Variants in POU6F2 observed in about 807,000 individuals in gnomAD.
POU6F2 encodes POU class 6 homeobox 2.
A neutral mutation model predicts 71.3 loss-of-function variants in POU6F2; 31 were observed. That is an observed-to-expected ratio of 0.43 (90% CI 0.33 to 0.59). The LOEUF (loss-of-function observed/expected upper bound fraction) is 0.59, where lower values mean the gene tolerates loss of function less well. Among genes scored for constraint, POU6F2 ranks in the 20% least tolerant of loss-of-function variants. The pLI, the probability that POU6F2 is intolerant of heterozygous loss-of-function variation, is 0.04. For synonymous variants in POU6F2, 347 were observed against 355.7 expected, an observed-to-expected ratio of 0.98 and a Z score of 0.27; for missense variants, 783 against 856.8, an observed-to-expected ratio of 0.91 and a Z score of 1.07.
intron 4 of POU6F2, among the ~76,000 whole-genome samples, chr7:39,309,592 T>C (rs1326777392): frequency 1.3e-5 from 2 of 152,204 alleles, no homozygotes; most frequent in East Asian, 1.9e-4. Flanking sequence ...GTTCACAAAC[T>C]GAAGGGCATT....
At chr7:39,212,518 C>T (rs1794160909) in intron 4 of POU6F2, among the ~76,000 whole-genome samples, 1 of 152,106 alleles carries the variant, frequency 6.6e-6, no homozygotes, top group African/African-American at 2.4e-5. Context: ...GTTCTGTGCC[C>T]TCTCGTACCT....
intron 1 of POU6F2, among the ~76,000 whole-genome samples, chr7:39,039,831 C>T (rs1790144793): frequency 6.6e-6 from 1 of 150,576 alleles, no homozygotes; most frequent in Non-Finnish European, 1.5e-5. Flanking sequence ...ATTTGGAAAT[C>T]ATACTGTGAA....
chr7:39,263,608 G>T (rs1220367372), intron 4 of POU6F2, among the ~76,000 whole-genome samples: 3 of 152,230 alleles, frequency 2.0e-5, no homozygotes, highest in African/African-American at 7.2e-5. Context: ...TGGCTTTTGT[G>T]TTGTGAAGCC....
At chr7:39,214,369 C>T (rs991040297) in intron 4 of POU6F2, among the ~76,000 whole-genome samples, 10 of 152,156 alleles carry the variant, frequency 6.6e-5, no homozygotes, top group Non-Finnish European at 1.5e-4. Flanking sequence ...CTCCCTTACT[C>T]GCTTTCTGCA....
chr7:39,448,845 T>C (rs1427200175), intron 7 of POU6F2, among the ~76,000 whole-genome samples: 1 of 152,214 alleles, frequency 6.6e-6, no homozygotes, highest in Non-Finnish European at 1.5e-5. Flanking sequence ...TAACAGTATT[T>C]AGAAGGACAA....
At chr7:39,331,590 C>G (rs1303455261) in intron 4 of POU6F2, among the ~76,000 whole-genome samples, 1 of 152,158 alleles carries the variant, frequency 6.6e-6, no homozygotes, top group Admixed American at 6.5e-5. Flanking sequence ...TCACTGCAAC[C>G]TCCACCTCCT....
chr7:39,074,595 T>G (rs1052885477), intron 1 of POU6F2, among the ~76,000 whole-genome samples: 1 of 152,252 alleles, frequency 6.6e-6, no homozygotes, highest in African/African-American at 2.4e-5. Flanking sequence ...TGAGAGTTTA[T>G]TATGTGCCCA....
intron 7 of POU6F2, among the ~76,000 whole-genome samples, chr7:39,439,714 C>T: frequency 6.6e-6 from 1 of 152,076 alleles, no homozygotes; most frequent in East Asian, 1.9e-4. Flanking sequence ...GCTCTCAAAC[C>T]CTGACCTTAG....
chr7:39,081,809 A>C (rs1286750837), intron 1 of POU6F2, among the ~76,000 whole-genome samples: 2 of 152,190 alleles, frequency 1.3e-5, no homozygotes, highest in Non-Finnish European at 2.9e-5. Context: ...TCATCATCCA[A>C]AATCTGGGAT....
At chr7:39,048,338 T>C (rs1584516480) in intron 1 of POU6F2, among the ~76,000 whole-genome samples, 2 of 151,988 alleles carry the variant, frequency 1.3e-5, no homozygotes, top group East Asian at 3.9e-4. Context: ...ATAGGTAGTT[T>C]TTTTTTTATC....
chr7:39,106,519 TG>T (rs1390848171), intron 2 of POU6F2, among the ~76,000 whole-genome samples: 1 of 152,248 alleles, frequency 6.6e-6, no homozygotes, highest in East Asian at 1.9e-4. Flanking sequence ...ATTTTTTCTA[TG>T]CAGACATATT....
chr7:39,382,810 G>A (rs777896841), intron 5 of POU6F2, among the ~76,000 whole-genome samples: 11 of 152,128 alleles, frequency 7.2e-5, no homozygotes, highest in Non-Finnish European at 1.6e-4. Context: ...AGCTCCTCAG[G>A]TGGAGATCCT....
At chr7:39,447,149 GTTTTT>G (rs1233673736) in intron 7 of POU6F2, among the ~76,000 whole-genome samples, 1 of 151,888 alleles carries the variant, frequency 6.6e-6, no homozygotes, top group East Asian at 1.9e-4. Context: ...AGAGTACCAT[GTTTTT>G]TTTCAAACAT....
chr7:39,271,413 A>G (rs1784336083), intron 4 of POU6F2, among the ~76,000 whole-genome samples: 1 of 151,996 alleles, frequency 6.6e-6, no homozygotes, highest in Non-Finnish European at 1.5e-5. Context: ...GCATGGCAAG[A>G]GAAAAAGTTC....
Position 39,247,271 on chromosome 7 carries a change from C to A in POU6F2, c.598+39651C>A, listed in dbSNP as rs887109172. ...ACTGCTTGAGGCCAGGAGTTCAAGA[C>A]CAGACTGGTCAACATGGCAAAACCT... On this transcript the variant is annotated intron_variant, in intron 4 of 9. Coordinates refer to ENST00000518318, the MANE Select transcript of POU6F2 (RefSeq NM_001370959.1). Among the ~76,000 whole-genome samples the A allele has an allele frequency of 3.9e-5, 6 of 152,108 alleles. 1 individual carries two copies. Among genetic ancestry groups the A allele is most frequent in the African/African-American group, 1.2e-4 (5 of 41,478 alleles).
chr7:39,347,530 A>G (rs977771409), intron 5 of POU6F2, among the ~76,000 whole-genome samples: 12 of 152,114 alleles, frequency 7.9e-5, no homozygotes, highest in Admixed American at 6.5e-5. Flanking sequence ...GAAAGAAAGG[A>G]CTGTAGCCAT....
At chr7:39,446,160 A>G (rs759265708) in intron 7 of POU6F2, among the ~76,000 whole-genome samples, 17 of 152,222 alleles carry the variant, frequency 1.1e-4, no homozygotes, top group Non-Finnish European at 2.4e-4. Context: ...GCAAGTAATG[A>G]TGCCCTTCCC....
chr7:39,016,048 T>TATATATATTATATATAATATATAG (rs1363537031), intron 1 of POU6F2, among the ~76,000 whole-genome samples: 1 of 49,076 alleles, frequency 2.0e-5, no homozygotes, highest in South Asian at 7.4e-4. Flanking sequence ...TATTATATAT[T>TATATATATTATATATAATATATAG]ATATATATTA....
intron 1 of POU6F2, among the ~76,000 whole-genome samples, chr7:38,988,515 C>A (rs1172322160): frequency 2.0e-5 from 3 of 152,064 alleles, no homozygotes; most frequent in African/African-American, 7.2e-5. Context: ...TTCAGTGGGG[C>A]TGTTGTAAAC....
Sources: gnomAD v4.1 joint callset for allele counts (sites outside exome capture counted in the v4.1 genomes callset) on GRCh38, gnomAD v4.1.1 for gene constraint, MANE v1.5 for transcripts, NCBI Gene and HGNC (gene_info 2026-07-23, HGNC 2026-07-21) for gene names.